The following KIRREL3 variants were observed in gnomAD, a reference collection of about 807,000 sequenced individuals.
KIRREL3 encodes the protein kin of IRRE-like protein 3.
In KIRREL3, 36 loss-of-function variants were observed where a neutral mutation model predicts 89.7. The ratio of observed to expected loss-of-function variants is 0.40; its 90% CI spans 0.31 to 0.53. The LOEUF (loss-of-function observed/expected upper bound fraction) is 0.53. Ranked by LOEUF, KIRREL3 falls within the 20% of genes least tolerant of loss-of-function variation. The pLI, the probability that KIRREL3 is intolerant of heterozygous loss-of-function variation, is 0.49. For missense variants in KIRREL3, 864 were observed against 1,056.6 expected (o/e 0.82, Z 2.53); for synonymous variants, 445 against 441.4 (o/e 1.01, Z -0.10).
chr11:126,702,564 A>G (rs781327683), intron 1 of KIRREL3, among the ~76,000 whole-genome samples: 5 of 152,212 alleles, frequency 3.3e-5, no homozygotes, highest in African/African-American at 4.8e-5. Flanking sequence ...GTGGAGCCCT[A>G]AGGCCTCAGC....
At position 126,608,122 on chromosome 11, in the gene KIRREL3, G is replaced by A. The variant is rs1476533263; in HGVS notation, c.56-45210C>T. On this transcript the variant is annotated intron_variant, in intron 1 of 16. Coordinates refer to ENST00000525144, the MANE Select transcript of KIRREL3 (RefSeq NM_032531.4). This position sits in a 1 kb window ranked among gnomAD's most constrained non-coding sequence, Gnocchi z 4.9. ...CCACAGGTGGGACAGGGTGGGCCCA[G>A]GTGGAGTCTGAGCTGGGTGCCAATT... 3.3e-5 allele frequency among the ~76,000 whole-genome samples: 5 copies of A among 152,306 alleles called. No individual in the cohort carries two copies. The East Asian group carries it at 9.7e-4, about 29-fold the overall frequency.
At chr11:126,950,412 A>C (rs757953087) in intron 1 of KIRREL3, among the ~76,000 whole-genome samples, 1 of 152,076 alleles carries the variant, frequency 6.6e-6, no homozygotes, top group South Asian at 2.1e-4. Context: ...ACCAAAAAAC[A>C]TGCAGGGACA....
rs970823477 is a variant in KIRREL3, at chr11:126,682,637, C to T, written c.56-119725G>A. On this transcript the variant is annotated intron_variant, in intron 1 of 16. Transcript: ENST00000525144. This position sits in a 1 kb window ranked among gnomAD's most constrained non-coding sequence, Gnocchi z 4.8. Reference sequence around the variant, plus strand: ...GGTAGGGGGTGGTTTCTGGATGAAACTGTTCCATCATAGATCTTCAGGCAC... The same window carrying T: ...GGTAGGGGGTGGTTTCTGGATGAAATTGTTCCATCATAGATCTTCAGGCAC... Among the ~76,000 whole-genome samples, 1 of 152,132 alleles carries T rather than the reference C, an allele frequency of 6.6e-6. No individual in the cohort carries two copies. Among genetic ancestry groups the T allele is most frequent in the African/African-American group, 2.4e-5 (1 of 41,414 alleles).
intron 1 of KIRREL3, among the ~76,000 whole-genome samples, chr11:126,992,860 A>G (rs1445767842): frequency 6.6e-6 from 1 of 152,168 alleles, no homozygotes; most frequent in African/African-American, 2.4e-5. Context: ...GCTCAAGTCC[A>G]GCGTGCAGCC....
At position 126,739,804 on chromosome 11, in the gene KIRREL3, G is replaced by C. The variant is rs1424820874; in HGVS notation, c.56-176892C>G. Among the ~76,000 whole-genome samples the C allele has an allele frequency of 6.6e-6, 1 of 152,202 alleles. No homozygotes were observed. Among genetic ancestry groups the C allele is most frequent in the Non-Finnish European group, 1.5e-5 (1 of 68,042 alleles). On this transcript the variant is annotated intron_variant, in intron 1 of 16. Coordinates refer to ENST00000525144, the MANE Select transcript of KIRREL3 (RefSeq NM_032531.4). This position sits in a 1 kb window ranked among gnomAD's most constrained non-coding sequence, Gnocchi z 5.5. The stretch of plus-strand genomic sequence containing the variant: ...TGTATCAGAGTTTAAAAACCTCAGG[G>C]AGTTTTGGGCCAGCAAATAAAATGT...
chr11:126,663,339 C>T (rs1945509859), intron 1 of KIRREL3, among the ~76,000 whole-genome samples: 1 of 152,010 alleles, frequency 6.6e-6, no homozygotes, highest in East Asian at 1.9e-4. Context: ...GTGCATGCCA[C>T]CACACCCGGC....
chr11:126,929,548 T>C lies in KIRREL3; in HGVS notation c.55+70907A>G, dbSNP rs944760092. Among the ~76,000 whole-genome samples, 3 of 152,020 alleles carry C rather than the reference T, an allele frequency of 2.0e-5. No homozygotes were observed. The East Asian group carries it at 5.8e-4, about 29-fold the overall frequency. On this transcript the variant is annotated intron_variant, in intron 1 of 16. Transcript: ENST00000525144. ...AAACAAATAAAAATAAGACACCAAA[T>C]ACCAAAAGCCAAATAAGACCACGTA...
intron 1 of KIRREL3, among the ~76,000 whole-genome samples, chr11:126,722,160 A>G (rs1450943187): frequency 6.6e-6 from 1 of 152,166 alleles, no homozygotes; most frequent in African/African-American, 2.4e-5. Context: ...CCTCCATCCC[A>G]ATCTATCTGC....
intron 1 of KIRREL3, among the ~76,000 whole-genome samples, chr11:126,859,674 A>T (rs1000949845): frequency 3.9e-5 from 6 of 152,230 alleles, no homozygotes; most frequent in Non-Finnish European, 8.8e-5. Context: ...GTAAAACTAC[A>T]CCTCAACTGG....
At position 126,683,461 on chromosome 11, in the gene KIRREL3, C is replaced by A. The variant is rs1296991650; in HGVS notation, c.56-120549G>T. On this transcript the variant is annotated intron_variant, in intron 1 of 16. Transcript: ENST00000525144. This position sits in a 1 kb window ranked among gnomAD's most constrained non-coding sequence, Gnocchi z 5.2. ...AATGGGTCTGGGCATCCACTGCTTT[C>A]ACCGAGGGTCTCTGCATGACTTTAG... is the stretch of plus-strand genomic sequence containing the variant. 6.6e-6 allele frequency among the ~76,000 whole-genome samples: 1 copy of A among 152,240 alleles called. No homozygotes were observed. Among genetic ancestry groups the A allele is most frequent in the Non-Finnish European group, 1.5e-5 (1 of 68,048 alleles).
At position 126,527,946 on chromosome 11, in the gene KIRREL3, T is replaced by C. The variant is rs1305477997; in HGVS notation, c.134-1259A>G. On this transcript the variant is annotated intron_variant, in intron 2 of 16. Transcript: ENST00000525144. The surrounding 1 kb of genome is among the most constrained non-coding windows in gnomAD (Gnocchi z 4.2). ...ATGGAACATTGACATTCGCTGAGCA[T>C]CTGGCCCACAGTACAACCAGTACTT... 6.6e-6 allele frequency among the ~76,000 whole-genome samples: 1 copy of C among 152,210 alleles called. No individual in the cohort carries two copies. The highest frequency in any genetic ancestry group is 1.5e-5 in the Non-Finnish European group (1 of 68,042).
In KIRREL3 at chr11:126,754,656, G is replaced by A. The variant is rs1949436287; in HGVS notation, c.56-191744C>T. Among the ~76,000 whole-genome samples, 2 of 151,900 alleles carry A rather than the reference G, an allele frequency of 1.3e-5. No individual in the cohort carries two copies. The highest frequency in any genetic ancestry group is 4.2e-4 in the South Asian group (2 of 4,800). On this transcript the variant is annotated intron_variant, in intron 1 of 16. Coordinates refer to ENST00000525144, the MANE Select transcript of KIRREL3 (RefSeq NM_032531.4). The surrounding 1 kb of genome is among the most constrained non-coding windows in gnomAD (Gnocchi z 5.1). ...GTTCGTGCGCACTCAGTGGTGTCAG[G>A]TGGCTGTGTTGTCTTCTTTCTGAGT... is the stretch of plus-strand genomic sequence containing the variant.
At chr11:126,894,112 C>T (rs1396359909) in intron 1 of KIRREL3, among the ~76,000 whole-genome samples, 1 of 152,180 alleles carries the variant, frequency 6.6e-6, no homozygotes, top group East Asian at 1.9e-4. Flanking sequence ...TGGGGTGGCC[C>T]CCCAGGGTGG....
chr11:126,569,786 T>A lies in KIRREL3; in HGVS notation c.56-6874A>T, dbSNP rs563326867. On this transcript the variant is annotated intron_variant, in intron 1 of 16. Coordinates refer to ENST00000525144, the MANE Select transcript of KIRREL3 (RefSeq NM_032531.4). This position sits in a 1 kb window ranked among gnomAD's most constrained non-coding sequence, Gnocchi z 6.5. ...AAGCTGGAGATTGTCCCTAGTTTTG[T>A]CTTAGTTTTGGATGTCTACCAATGG... 6.6e-6 allele frequency among the ~76,000 whole-genome samples: 1 copy of A among 152,232 alleles called. No individual in the cohort carries two copies. Among genetic ancestry groups the A allele is most frequent in the South Asian group, 2.1e-4 (1 of 4,818 alleles).
Position 126,674,731 on chromosome 11 carries a change from T to C in KIRREL3, c.56-111819A>G, listed in dbSNP as rs555595326. Among the ~76,000 whole-genome samples, 3 of 152,288 alleles carry C rather than the reference T, an allele frequency of 2.0e-5. No homozygotes were observed. In the East Asian group the frequency reaches 5.8e-4, roughly 29 times the overall value. On this transcript the variant is annotated intron_variant, in intron 1 of 16. Transcript: ENST00000525144. ...GGGGCTTTGAGTTGTCATCTTTTCT[T>C]AGGAGCTAAGAATTTTAAATTGTAC...
At chr11:126,604,446 A>ATG (rs139142342) in intron 1 of KIRREL3, among the ~76,000 whole-genome samples, 60 of 152,336 alleles carry the variant, frequency 3.9e-4, no homozygotes, top group African/African-American at 1.4e-3. Flanking sequence ...GTACAAGATA[A>ATG]TGTGTATACC....
rs188740192 is a variant in KIRREL3 at position 126,893,825 on chromosome 11, A to G, written c.55+106630T>C. 2.5e-3 allele frequency among the ~76,000 whole-genome samples: 386 copies of G among 152,350 alleles called. 1 individual carries two copies. Among genetic ancestry groups the G allele is most frequent in the African/African-American group, 8.7e-3 (362 of 41,582 alleles). ...TTCATGTTTTAATCTTGCTGCTAGCATATTCTGGGCATGCTTACTGGAATC... is the reference window on the plus strand; with the variant it reads ...TTCATGTTTTAATCTTGCTGCTAGCGTATTCTGGGCATGCTTACTGGAATC... On this transcript the variant is annotated intron_variant, in intron 1 of 16. Transcript: ENST00000525144.
At position 126,641,014 on chromosome 11, in the gene KIRREL3, G is replaced by A. The variant is rs1429590543; in HGVS notation, c.56-78102C>T. On this transcript the variant is annotated intron_variant, in intron 1 of 16. Coordinates refer to ENST00000525144, the MANE Select transcript of KIRREL3 (RefSeq NM_032531.4). The surrounding 1 kb of genome is among the most constrained non-coding windows in gnomAD (Gnocchi z 5.0). ...CCCCTCCACTTGCAATGTGTAACAG[G>A]CATCTCAAATTTCACATGCTCCGAA... 6.6e-6 allele frequency among the ~76,000 whole-genome samples: 1 copy of A among 152,030 alleles called. No homozygotes were observed. Among genetic ancestry groups the A allele is most frequent in the African/African-American group, 2.4e-5 (1 of 41,390 alleles).
intron 1 of KIRREL3, among the ~76,000 whole-genome samples, chr11:126,850,746 G>A (rs1944312585): frequency 6.6e-6 from 1 of 152,206 alleles, no homozygotes; most frequent in South Asian, 2.1e-4. Context: ...TGGTTGAAAT[G>A]TCAGACTTGG....
Sources: allele counts gnomAD v4.1 joint callset (sites outside exome capture counted in the v4.1 genomes callset), GRCh38; gene constraint gnomAD v4.1.1; non-coding constraint Gnocchi (gnomAD v3.1); transcripts MANE v1.5; gene names NCBI Gene and HGNC (gene_info 2026-07-23, HGNC 2026-07-21).